Variants in IFT80 observed in about 807,000 individuals in gnomAD.
IFT80 encodes the protein intraflagellar transport 80, also known as intraflagellar transport protein 80 homolog.
Under a neutral mutation model 107.9 loss-of-function variants are expected in IFT80, and 79 were observed. The observed-to-expected ratio is 0.73, with a 90% CI of 0.61 to 0.88. The LOEUF (loss-of-function observed/expected upper bound fraction) is 0.88. IFT80 is among the 40% of genes least tolerant of loss of function. IFT80 has a pLI of 0.00. For missense variants in IFT80, 797 were observed against 914.2 expected, an observed-to-expected ratio of 0.87 and a Z score of 1.65; for synonymous variants, 299 against 300.9, an observed-to-expected ratio of 0.99 and a Z score of 0.07.
chr3:160,356,236 A>G (rs892443416), intron 7 of IFT80, 86 bp from the exon 8 acceptor site: 2 of 1,184,476 alleles, frequency 1.7e-6, no homozygotes, highest in Admixed American at 4.5e-5. Flanking sequence ...TAAAATAAAA[A>G]TGTTTTATAA....
intron 8 of IFT80, among the ~76,000 whole-genome samples, chr3:160,344,411 A>G (rs889252129): frequency 4.6e-5 from 7 of 152,058 alleles, no homozygotes; most frequent in African/African-American, 1.7e-4. Flanking sequence ...ATGAAACTAG[A>G]CCCCTATCTC....
chr3:160,386,876 C>T (rs1712974713), intron 1 of IFT80, among the ~76,000 whole-genome samples: 1 of 152,192 alleles, frequency 6.6e-6, no homozygotes, highest in Admixed American at 6.5e-5. Flanking sequence ...TGGGACACAA[C>T]ATGCAGGGTC....
intron 8 of IFT80, among the ~76,000 whole-genome samples, chr3:160,341,303 G>A (rs900088356): frequency 6.6e-6 from 1 of 151,174 alleles, no homozygotes; most frequent in African/African-American, 2.4e-5. Context: ...CGTAGTTTGC[G>A]ATTTGTGGTT....
Position 160,258,654 on chromosome 3 carries a change from A to G in IFT80, c.2224-19T>C. 6.2e-7 allele frequency: 1 copy of G among 1,604,990 alleles called. No homozygotes were observed. The highest frequency in any genetic ancestry group is 8.5e-7 in the Non-Finnish European group (1 of 1,176,708). ...TTTGGAGCTGCAATAGAAAAAAAAA[A>G]GAAGAAATATGCTTAGATAGTGTAA... is the stretch of plus-strand genomic sequence containing the variant. On this transcript the variant is annotated intron_variant, in intron 19 of 19. Coordinates refer to ENST00000326448, the MANE Select transcript of IFT80 (RefSeq NM_020800.3).
At chr3:160,398,037 C>T (rs1485935022) in intron 1 of IFT80, among the ~76,000 whole-genome samples, 2 of 152,078 alleles carry the variant, frequency 1.3e-5, no homozygotes, top group Non-Finnish European at 2.9e-5. Context: ...TTCCAGAAGC[C>T]CTCAAAGATA....
intron 1 of IFT80, among the ~76,000 whole-genome samples, chr3:160,397,752 G>T (rs536298509): frequency 8.8e-6 from 1 of 113,834 alleles, no homozygotes; most frequent in African/African-American, 3.7e-5. Context: ...ACGCAGTTTC[G>T]CTCTTGTTGC....
chr3:160,303,079 G>A (rs1243087561), intron 11 of IFT80, among the ~76,000 whole-genome samples: 1 of 152,078 alleles, frequency 6.6e-6, no homozygotes, highest in Admixed American at 6.6e-5. Context: ...AAAAAGCTGT[G>A]GGCTAGAAAA....
chr3:160,295,936 T>C (rs946710945), intron 12 of IFT80, among the ~76,000 whole-genome samples: 1 of 152,192 alleles, frequency 6.6e-6, no homozygotes, highest in African/African-American at 2.4e-5. Context: ...ATATGAGGTA[T>C]ACTAAAATAG....
intron 18 of IFT80, among the ~76,000 whole-genome samples, chr3:160,274,130 G>A (rs969420047): frequency 6.6e-6 from 1 of 152,104 alleles, no homozygotes. Context: ...AATAAGTAGA[G>A]ACACATGATA....
At chr3:160,319,699 T>C in intron 9 of IFT80, 61 bp downstream of exon 9, 1 of 1,306,780 alleles carries the variant, frequency 7.7e-7, no homozygotes, top group Non-Finnish European at 1.1e-6. Context: ...AATTCCATAT[T>C]CTGTACAGTT....
At chr3:160,267,605 T>C (rs1390424224) in intron 19 of IFT80, among the ~76,000 whole-genome samples, 1 of 152,222 alleles carries the variant, frequency 6.6e-6, no homozygotes, top group East Asian at 1.9e-4. Flanking sequence ...ATGAGCTCTG[T>C]TTCTGCTGTC....
intron 18 of IFT80, among the ~76,000 whole-genome samples, chr3:160,270,831 A>G (rs1406533191): frequency 1.3e-5 from 2 of 152,104 alleles, no homozygotes; most frequent in African/African-American, 4.8e-5. Context: ...TAGAAGCTCC[A>G]TCTCCCATTC....
At chr3:160,388,272 T>C (rs1400628444) in intron 1 of IFT80, among the ~76,000 whole-genome samples, 1 of 149,962 alleles carries the variant, frequency 6.7e-6, no homozygotes, top group Non-Finnish European at 1.5e-5. Context: ...AAAAATCACA[T>C]CAATTACAAA....
chr3:160,260,607 C>T (rs555682177), intron 19 of IFT80, among the ~76,000 whole-genome samples: 29 of 152,236 alleles, frequency 1.9e-4, no homozygotes, highest in Non-Finnish European at 3.2e-4. Context: ...TGGCATTGAT[C>T]TAGTTTTAAA....
chr3:160,399,019 T>G (rs16831207), intron 1 of IFT80, 127 bp downstream of exon 1: 32,136 of 152,044 alleles, frequency 0.21, 3,743 homozygotes, highest in Non-Finnish European at 0.26. Context: ...GGAGCCCCGC[T>G]GCCGCCAGGG....
chr3:160,385,465 T>C (rs1712857084), intron 1 of IFT80, among the ~76,000 whole-genome samples: 1 of 152,224 alleles, frequency 6.6e-6, no homozygotes, highest in African/African-American at 2.4e-5. Flanking sequence ...TCCTCTTTAC[T>C]AAGTTGAAAA....
intron 5 of IFT80, among the ~76,000 whole-genome samples, chr3:160,367,491 A>G (rs1721944962): frequency 6.6e-6 from 1 of 152,120 alleles, no homozygotes; most frequent in South Asian, 2.1e-4. Flanking sequence ...TCCAAAAACA[A>G]TCTAATAACC....
rs189481208 is a variant in IFT80 at position 160,276,547 on chromosome 3, A to C, written c.2099+759T>G. Among the ~76,000 whole-genome samples, 446 of 152,342 alleles carry C rather than the reference A, an allele frequency of 2.9e-3. 3 individuals carry two copies. The highest frequency in any genetic ancestry group is 2.3e-3 in the Non-Finnish European group (154 of 68,022). ...CCACAACAAACTACATCAGGAGTAC[A>C]TAAAAACTATAGTTTTGTTCACTGG... On this transcript the variant is annotated intron_variant, in intron 18 of 19. Coordinates refer to ENST00000326448, the MANE Select transcript of IFT80 (RefSeq NM_020800.3).
intron 19 of IFT80, among the ~76,000 whole-genome samples, chr3:160,262,524 T>C (rs1166743896): frequency 6.6e-6 from 1 of 152,104 alleles, no homozygotes; most frequent in Non-Finnish European, 1.5e-5. Context: ...CTCACTTTGT[T>C]ACCCAGGCTG....
Sources: gnomAD v4.1 joint callset for allele counts (sites outside exome capture counted in the v4.1 genomes callset) on GRCh38, gnomAD v4.1.1 for gene constraint, MANE v1.5 for transcripts, NCBI Gene and HGNC (gene_info 2026-07-23, HGNC 2026-07-21) for gene names.